EPG5: variants seen among roughly 807,000 people sequenced by gnomAD.
The protein encoded by EPG5 is ectopic P-granules 5 autophagy tethering factor, also known as ectopic P granules protein 5 homolog.
A neutral mutation model predicts 302.7 loss-of-function variants in EPG5; 159 were observed. That is an observed-to-expected ratio of 0.53 (90% CI 0.46 to 0.60). The LOEUF is 0.60. Ranked by LOEUF, EPG5 falls within the 20% of genes least tolerant of loss-of-function variation. The probability of loss-of-function intolerance (pLI) is 0.00; values close to 1 mark genes in which losing one functional copy is unlikely to be tolerated. For synonymous variants in EPG5, 1,158 were observed against 1,136.8 expected, an observed-to-expected ratio of 1.02 and a Z score of -0.37; for missense variants, 2,896 against 3,092.4, an observed-to-expected ratio of 0.94 and a Z score of 1.51.
At chr18:45,868,523 T>G (rs2048797782) in intron 36 of EPG5, among the ~76,000 whole-genome samples, 1 of 151,178 alleles carries the variant, frequency 6.6e-6, no homozygotes, top group Non-Finnish European at 1.5e-5. Flanking sequence ...TTTATTATTT[T>G]ATTGCTTATT....
chr18:45,804,842 C>T, the EPG5 span, among the ~76,000 whole-genome samples: 1 of 152,010 alleles, frequency 6.6e-6, no homozygotes, highest in Non-Finnish European at 1.5e-5. Flanking sequence ...AATTCCTTTC[C>T]AATATATATC....
intron 17 of EPG5, 71 bp downstream of exon 17, chr18:45,917,608 C>A: frequency 6.4e-7 from 1 of 1,565,252 alleles, no homozygotes; most frequent in Admixed American, 1.8e-5. Context: ...CTTAAGAAAC[C>A]AGAAGACACA....
At chr18:45,904,143 C>T in intron 24 of EPG5, 26 bp from the exon 25 acceptor site, 1 of 1,599,202 alleles carries the variant, frequency 6.3e-7, no homozygotes, top group African/African-American at 1.4e-5. Context: ...AGTACTTTAA[C>T]TCTGACAGAC....
chr18:45,949,012 C>G (rs1489965077), intron 5 of EPG5, among the ~76,000 whole-genome samples: 3 of 152,146 alleles, frequency 2.0e-5, no homozygotes, highest in African/African-American at 7.2e-5. Flanking sequence ...CCAAAGGCAA[C>G]AGCAGAGAGG....
chr18:45,857,469 A>G (rs1431813584), intron 42 of EPG5, among the ~76,000 whole-genome samples: 1 of 152,120 alleles, frequency 6.6e-6, no homozygotes, highest in African/African-American at 2.4e-5. Flanking sequence ...AGTCCCTCAC[A>G]GGTTCTGGAT....
chr18:45,837,857 C>G, the EPG5 span: 2 of 1,538,682 alleles, frequency 1.3e-6, no homozygotes, highest in Non-Finnish European at 1.7e-6. Context: ...CGTCCATGAC[C>G]GCTACGAGAG....
At chr18:45,913,557 T>A in intron 21 of EPG5, 149 bp downstream of exon 21, 2 of 928,694 alleles carry the variant, frequency 2.2e-6, no homozygotes, top group Admixed American at 2.5e-5. Context: ...ACTCTTCAAT[T>A]ACACAGTTTT....
rs1225405739 is a variant in EPG5 at position 45,917,781 on chromosome 18, C to T, written c.3137G>A (p.Gly1046Glu). ...CAAATGTCTTGACTGGACCAGAATT[C>T]CCAATAGTGGGATGCCTTCTGCACA... is the stretch of plus-strand genomic sequence containing the variant. ...KFCAEGIPLL[G>E]ILVQSRHLRT... is the part of the protein sequence containing the mutation. The change falls in exon 17 of 44, where the codon GGA becomes GAA. Residue 1046 changes from glycine (G) to glutamate (E), a missense_variant. Physicochemically the swap from Gly to Glu is moderately conservative, Grantham distance 98. This residue lies in a region of EPG5 where 1,390 missense variants were observed against 1,430.0 expected (regional missense o/e 0.97). Transcript: ENST00000282041. The T allele has an allele frequency of 1.9e-6, 3 of 1,614,120 alleles. No homozygotes were observed. The South Asian group carries it at 3.3e-5, about 18-fold the overall frequency.
the EPG5 span, among the ~76,000 whole-genome samples, chr18:45,832,305 G>A: frequency 5.3e-5 from 8 of 151,784 alleles, no homozygotes; most frequent in Admixed American, 4.6e-4. Flanking sequence ...AGGAGCCTAG[G>A]ACGTGCCAGG....
At chr18:45,870,104 T>A (rs7233429) in intron 36 of EPG5, among the ~76,000 whole-genome samples, 2,826 of 152,266 alleles carry the variant, frequency 0.019, 70 homozygotes, top group African/African-American at 0.064. Context: ...GCATCATCGG[T>A]TGTCACAATG....
the EPG5 span, among the ~76,000 whole-genome samples, chr18:45,804,261 A>G: frequency 6.6e-6 from 1 of 152,200 alleles, no homozygotes; most frequent in East Asian, 1.9e-4. Context: ...TCTGAAAGAC[A>G]GAGATAAAAA....
At chr18:45,801,149 G>T in the EPG5 span, among the ~76,000 whole-genome samples, 1 of 152,110 alleles carries the variant, frequency 6.6e-6, no homozygotes, top group Non-Finnish European at 1.5e-5. Context: ...CAGTTCTCCT[G>T]CCTTAGCCTC....
the EPG5 span, chr18:45,838,863 G>T: frequency 2.0e-5 from 31 of 1,582,436 alleles, no homozygotes; most frequent in African/African-American, 4.0e-4. Context: ...TGCGGAGCCC[G>T]CGTGAGGGTC....
At chr18:45,888,925 T>C (rs1213110348) in intron 28 of EPG5, among the ~76,000 whole-genome samples, 1 of 152,218 alleles carries the variant, frequency 6.6e-6, no homozygotes, top group African/African-American at 2.4e-5. Flanking sequence ...TCTCTACATT[T>C]TAAAATCCAA....
Position 45,934,815 on chromosome 18 carries a change from G to T in EPG5, c.2251C>A (p.Leu751Ile), listed in dbSNP as rs922225568. ...CTGCTCGGCGGGGCTGTACCTTGGA[G>T]CTGCTGCTTGCACTGGGCGGGCTGC... ...SLQPAQCKQQ[L>I]QDPEHFTNFE... The change falls in exon 11 of 44, where the codon CTC (leucine) becomes ATC (isoleucine). Residue 751 changes from leucine (L) to isoleucine (I), a missense_variant. Physicochemically the swap from Leu to Ile is conservative, Grantham distance 5. Transcript: ENST00000282041. 6.2e-7 allele frequency: 1 copy of T among 1,612,554 alleles called. No homozygotes were observed. The highest frequency in any genetic ancestry group is 1.3e-5 in the African/African-American group (1 of 74,948).
chr18:45,910,476 C>T, intron 23 of EPG5, 45 bp downstream of exon 23: 1 of 1,433,938 alleles, frequency 7.0e-7, no homozygotes, highest in Non-Finnish European at 9.5e-7. Context: ...AGCATAGTAC[C>T]TGTGCTGCAA....
At position 45,850,790 on chromosome 18, in the gene EPG5, A is replaced by G. The variant is rs1450333991; in HGVS notation, c.*1677T>C. ...GGATATCAGTAATTATATCCTCCTC[A>G]AAGAAAACACAAAATATTTCCAAAC... On this transcript the variant is annotated 3_prime_UTR_variant, in exon 44 of 44. Coordinates refer to ENST00000282041, the MANE Select transcript of EPG5 (RefSeq NM_020964.3). The G allele has an allele frequency of 1.3e-5, 2 of 152,680 alleles. No homozygotes were observed. The highest frequency in any genetic ancestry group is 2.9e-5 in the Non-Finnish European group (2 of 68,046). The allele number at this position is 152,680 out of a possible 1,614,324, so 9.5% of individuals were successfully genotyped here.
chr18:45,858,495 A>T, intron 41 of EPG5, 71 bp downstream of exon 41: 1 of 1,180,004 alleles, frequency 8.5e-7, no homozygotes, highest in Non-Finnish European at 1.2e-6. Flanking sequence ...ACTTAAAGCT[A>T]GACTTAAGCT....
In EPG5 at chr18:45,916,040, C is replaced by T. The variant is rs1166280208; in HGVS notation, c.3551G>A (p.Cys1184Tyr). 4.3e-5 allele frequency: 70 copies of T among 1,613,320 alleles called. 2 individuals carry two copies. The Admixed American group carries it at 1.2e-3, about 27-fold the overall frequency. ...KAAFQLMQEDCIQKLLYQQHK... is the reference protein window; with the variant it reads ...KAAFQLMQEDYIQKLLYQQHK... Reference sequence around the variant, plus strand: ...TTGTTGGTAGAGTAATTTCTGTATGCAGTCTTCCTGCATCAGCTGAAAAGC... The same window carrying T: ...TTGTTGGTAGAGTAATTTCTGTATGTAGTCTTCCTGCATCAGCTGAAAAGC... The change falls in exon 19 of 44, where the codon TGC (cysteine) becomes TAC (tyrosine). Residue 1184 changes from cysteine (C) to tyrosine (Y), a missense_variant. This residue lies in a region of EPG5 where 1,390 missense variants were observed against 1,430.0 expected (regional missense o/e 0.97). Coordinates refer to ENST00000282041, the MANE Select transcript of EPG5 (RefSeq NM_020964.3).
Sources: allele counts gnomAD v4.1 joint callset (sites outside exome capture counted in the v4.1 genomes callset), GRCh38; gene constraint gnomAD v4.1.1; regional missense constraint gnomAD v4.1.1; transcripts MANE v1.5; gene names NCBI Gene and HGNC (gene_info 2026-07-23, HGNC 2026-07-21).